ASPRV1: variants seen among roughly 807,000 people sequenced by gnomAD.
ASPRV1 encodes the protein retroviral-like aspartic protease 1.
In ASPRV1, 7 loss-of-function variants were observed where a neutral mutation model predicts 11.0. That is an observed-to-expected ratio of 0.64 (90% CI 0.36 to 1.20). The LOEUF (loss-of-function observed/expected upper bound fraction) is 1.20. ASPRV1 is among the 50% of genes most tolerant of loss of function. The pLI, the probability that ASPRV1 is intolerant of heterozygous loss-of-function variation, is 0.02. For synonymous variants in ASPRV1, 136 were observed against 138.4 expected, an observed-to-expected ratio of 0.98 and a Z score of 0.12; for missense variants, 299 against 320.0, an observed-to-expected ratio of 0.93 and a Z score of 0.50.
chr2:69,941,530 A>G, the ASPRV1 span: 4 of 152,242 alleles, frequency 2.6e-5, no homozygotes, highest in Admixed American at 2.6e-4. Flanking sequence ...AGAACTGAAC[A>G]TTAAGTAGGC....
chr2:69,964,568 G>T (rs1678271728), upstream of ASPRV1: 2 of 267,168 alleles, frequency 7.5e-6, no homozygotes, highest in South Asian at 7.0e-5. Flanking sequence ...AACCAGCCAG[G>T]GCAGGCCAGG....
the ASPRV1 span, among the ~76,000 whole-genome samples, chr2:70,069,987 TG>T: frequency 1.3e-5 from 2 of 152,048 alleles, no homozygotes; most frequent in African/African-American, 2.4e-5. Context: ...CACCTCAGCC[TG>T]GCCAACACGG....
the ASPRV1 span, among the ~76,000 whole-genome samples, chr2:70,039,245 T>C: frequency 2.0e-5 from 3 of 152,192 alleles, no homozygotes; most frequent in Admixed American, 6.5e-5. Flanking sequence ...TCCCAAACCT[T>C]TGATAAAGTC....
chr2:70,033,613 T>C, the ASPRV1 span, among the ~76,000 whole-genome samples: 1 of 152,286 alleles, frequency 6.6e-6, no homozygotes, highest in South Asian at 2.1e-4. Context: ...AAAAGAAGTT[T>C]TGAACTTTCA....
At chr2:69,975,541 G>A in the ASPRV1 span, 1 of 152,280 alleles carries the variant, frequency 6.6e-6, no homozygotes, top group Non-Finnish European at 1.5e-5. Context: ...AAGAGACTTT[G>A]CCACCAAATT....
chr2:69,953,862 C>T, the ASPRV1 span, among the ~76,000 whole-genome samples: 1 of 149,240 alleles, frequency 6.7e-6, no homozygotes, highest in Non-Finnish European at 1.5e-5. Flanking sequence ...CACACGCCAC[C>T]ATGCCCGGCT....
At chr2:69,938,130 A>G in the ASPRV1 span, 3 of 1,614,236 alleles carry the variant, frequency 1.9e-6, no homozygotes, top group East Asian at 2.2e-5. Context: ...AGCACGGACT[A>G]TCTCACAGGT....
At chr2:70,009,415 C>A in the ASPRV1 span, among the ~76,000 whole-genome samples, 1 of 151,926 alleles carries the variant, frequency 6.6e-6, no homozygotes, top group Non-Finnish European at 1.5e-5. Flanking sequence ...CTGCAACCTC[C>A]GCCTCCTGGG....
At chr2:69,964,277 G>A (rs1350887445), upstream of ASPRV1, 1 of 436,780 alleles carries the variant, frequency 2.3e-6, no homozygotes, top group Admixed American at 2.6e-5. Context: ...GTGCTGCTGT[G>A]GCTTGAGGCA....
the ASPRV1 span, among the ~76,000 whole-genome samples, chr2:69,986,792 G>C: frequency 3.3e-5 from 5 of 152,240 alleles, no homozygotes; most frequent in Non-Finnish European, 5.9e-5. Context: ...TGTGGTTCCA[G>C]CTGTGCACAC....
the ASPRV1 span, chr2:70,069,393 T>G: frequency 6.6e-6 from 1 of 152,226 alleles, no homozygotes; most frequent in Non-Finnish European, 1.5e-5. Context: ...ACCAGACCAC[T>G]GATAAGACAT....
chr2:69,954,925 G>T, the ASPRV1 span, among the ~76,000 whole-genome samples: 1 of 152,208 alleles, frequency 6.6e-6, no homozygotes, highest in South Asian at 2.1e-4. Flanking sequence ...AGCACCACAT[G>T]TGCCTTGGAG....
chr2:69,936,645 G>A, the ASPRV1 span, among the ~76,000 whole-genome samples: 1 of 152,154 alleles, frequency 6.6e-6, no homozygotes, highest in East Asian at 1.9e-4. Context: ...AGAAGCTGGG[G>A]GCAGATTTAT....
chr2:69,998,092 A>C, the ASPRV1 span: 1 of 152,024 alleles, frequency 6.6e-6, no homozygotes, highest in Admixed American at 6.6e-5. Flanking sequence ...ATAAAGCCGA[A>C]ATTCATATGT....
the ASPRV1 span, among the ~76,000 whole-genome samples, chr2:70,068,135 G>C: frequency 7.2e-4 from 109 of 152,342 alleles, no homozygotes; most frequent in African/African-American, 2.4e-3. Context: ...CAGGAGGAGA[G>C]ATCAGACACC....
chr2:70,039,408 G>T, the ASPRV1 span, among the ~76,000 whole-genome samples: 1 of 152,150 alleles, frequency 6.6e-6, no homozygotes, highest in Non-Finnish European at 1.5e-5. Context: ...GGAATTTGAA[G>T]AAATCTGAAG....
chr2:70,010,570 G>C, the ASPRV1 span, among the ~76,000 whole-genome samples: 2 of 152,188 alleles, frequency 1.3e-5, no homozygotes, highest in Non-Finnish European at 2.9e-5. Flanking sequence ...AAGGAATTTG[G>C]ACTTGATCCT....
chr2:70,013,261 TG>T, the ASPRV1 span, among the ~76,000 whole-genome samples: 2 of 152,244 alleles, frequency 1.3e-5, no homozygotes, highest in Non-Finnish European at 2.9e-5. Context: ...ATGAGTTCAC[TG>T]ATATGGATTC....
the ASPRV1 span, chr2:69,988,497 T>C: frequency 3.9e-5 from 12 of 310,738 alleles, no homozygotes; most frequent in African/African-American, 8.7e-5. Context: ...ACAGCGGTGG[T>C]TGCAGGAGCT....
Sources: allele counts gnomAD v4.1 joint callset (sites outside exome capture counted in the v4.1 genomes callset), GRCh38; gene constraint gnomAD v4.1.1; transcripts MANE v1.5; gene names NCBI Gene and HGNC (gene_info 2026-07-23, HGNC 2026-07-21).